Variants in CYB5A observed in about 807,000 individuals in gnomAD.
CYB5A encodes the protein cytochrome b5 type A, also known as cytochrome b5.
CYB5A carries 10 observed loss-of-function variants against 16.2 expected under a neutral mutation model. That is an observed-to-expected ratio of 0.62 (90% CI 0.38 to 1.04). The LOEUF (loss-of-function observed/expected upper bound fraction) is 1.04. Ranked by LOEUF, CYB5A falls within the 50% of genes least tolerant of loss-of-function variation. The pLI, the probability that CYB5A is intolerant of heterozygous loss-of-function variation, is 0.01. For missense variants in CYB5A, 161 were observed against 165.9 expected, an observed-to-expected ratio of 0.97 and a Z score of 0.16; for synonymous variants, 62 against 57.0, an observed-to-expected ratio of 1.09 and a Z score of -0.40.
chr18:74,289,593 T>G (rs1008623816), intron 1 of CYB5A, among the ~76,000 whole-genome samples: 1 of 151,962 alleles, frequency 6.6e-6, no homozygotes, highest in African/African-American at 2.4e-5. Context: ...TTGGCCAACA[T>G]GTTGAAACCC....
At chr18:74,290,794 A>C (rs953225714) in intron 1 of CYB5A, 1 of 152,264 alleles carries the variant, frequency 6.6e-6, no homozygotes, top group Admixed American at 6.5e-5. Context: ...AATCACCAAA[A>C]GCGCCCCTTA....
chr18:74,281,221 G>T (rs941221211), intron 1 of CYB5A, among the ~76,000 whole-genome samples: 2 of 152,212 alleles, frequency 1.3e-5, no homozygotes, highest in Admixed American at 1.3e-4. Context: ...GGGACATGCA[G>T]AGGGAGCAGG....
rs767706199 is a variant in CYB5A at position 74,253,569 on chromosome 18, C to T, written c.*15G>A. The T allele has an allele frequency of 7.5e-6, 12 of 1,593,806 alleles. No homozygotes were observed. The highest frequency in any genetic ancestry group is 1.1e-5 in the South Asian group (1 of 90,530). On this transcript the variant is annotated 3_prime_UTR_variant, in exon 5 of 5. Transcript: ENST00000340533. ...CCAAAGCAGGCTCTTCCTGCGCTGACTTCTGAGGAGGTGTTCAGTCCTCTG... is the reference window on the plus strand; with the variant it reads ...CCAAAGCAGGCTCTTCCTGCGCTGATTTCTGAGGAGGTGTTCAGTCCTCTG...
At position 74,259,658 on chromosome 18, in the gene CYB5A, G is replaced by A. The variant is rs949992153; in HGVS notation, c.288+1257C>T. On this transcript the variant is annotated intron_variant, in intron 3 of 4. Coordinates refer to ENST00000340533, the MANE Select transcript of CYB5A (RefSeq NM_148923.4). ...AATCTTAAACCTTTGTTTTGCTATA[G>A]CTAAATGACTTATACCAAAATGATT... 7.9e-5 allele frequency: 12 copies of A among 152,054 alleles called. 1 individual carries two copies. The highest frequency in any genetic ancestry group is 7.2e-4 in the Admixed American group (11 of 15,262). The allele number at this position is 152,054 out of a possible 1,614,324, so 9.4% of individuals were successfully genotyped here.
chr18:74,269,423 T>TAAACACAGGAGCAC (rs1555689240), intron 1 of CYB5A, among the ~76,000 whole-genome samples: 3 of 152,116 alleles, frequency 2.0e-5, no homozygotes, highest in Admixed American at 6.5e-5. Flanking sequence ...GCGTTGGCTC[T>TAAACACAGGAGCAC]CCTGATGATC....
intron 3 of CYB5A, chr18:74,258,306 A>G (rs1982067679): frequency 6.6e-6 from 1 of 152,220 alleles, no homozygotes; most frequent in Non-Finnish European, 1.5e-5. Flanking sequence ...TAACTTCTAC[A>G]AGAATGCTTT....
At chr18:74,268,280 C>T (rs957177190) in intron 1 of CYB5A, among the ~76,000 whole-genome samples, 10 of 152,132 alleles carry the variant, frequency 6.6e-5, no homozygotes, top group African/African-American at 1.7e-4. Context: ...GGGGTCAGGA[C>T]GGGCCCTGCT....
At chr18:74,255,814 A>C (rs751511525) in intron 3 of CYB5A, 39 bp from the exon 4 acceptor site, 1 of 1,468,266 alleles carries the variant, frequency 6.8e-7, no homozygotes, top group Non-Finnish European at 9.5e-7. Context: ...AGTTCAAGGG[A>C]ATGCTGAACT....
chr18:74,277,227 T>C (rs1982916193), intron 1 of CYB5A, among the ~76,000 whole-genome samples: 1 of 152,252 alleles, frequency 6.6e-6, no homozygotes, highest in South Asian at 2.1e-4. Flanking sequence ...GGATGCTGTT[T>C]TTCTAAGACG....
At chr18:74,277,708 G>A (rs1174089959) in intron 1 of CYB5A, among the ~76,000 whole-genome samples, 1 of 152,194 alleles carries the variant, frequency 6.6e-6, no homozygotes, top group Admixed American at 6.5e-5. Flanking sequence ...AGGAGGCAAC[G>A]CTTAGACTCT....
intron 2 of CYB5A, 83 bp downstream of exon 2, chr18:74,263,260 AATGTGT>A (rs1328550850): frequency 1.9e-6 from 3 of 1,562,930 alleles, no homozygotes; most frequent in Non-Finnish European, 2.6e-6. Context: ...CTCCTTTTAA[AATGTGT>A]ATACATGCAA....
In CYB5A at chr18:74,256,961, T is replaced by TAC. The variant is rs1982010485; in HGVS notation, c.289-1188_289-1187dup. 5 of 929,512 alleles carry TAC rather than the reference T, an allele frequency of 5.4e-6. No homozygotes were observed. In the South Asian group the frequency reaches 7.2e-5, roughly 13 times the overall value. 57.6% of individuals were successfully genotyped at this position (929,512 alleles called of 1,614,324 possible). A position where few individuals can be genotyped will look rare whatever the true frequency, so the allele number is the denominator to read the frequency against. ...AGCATCTATAAAAAGTATTCATAAC[T>TAC]ACAGCAAGAGGATTTTCCAAATTGT... On this transcript the variant is annotated intron_variant, in intron 3 of 4. Transcript: ENST00000340533.
chr18:74,255,541 C>G (rs529444341), intron 4 of CYB5A, among the ~76,000 whole-genome samples, 200 bp downstream of exon 4: 1 of 152,274 alleles, frequency 6.6e-6, no homozygotes, highest in South Asian at 2.1e-4. Flanking sequence ...AGCTAGATCA[C>G]GTGGCTGTGG....
At chr18:74,284,252 A>AAG (rs60738296) in intron 1 of CYB5A, among the ~76,000 whole-genome samples, 11,586 of 146,802 alleles carry the variant, frequency 0.079, 625 homozygotes, top group Non-Finnish European at 0.11. Context: ...AAAAAAAAAA[A>AAG]AGAGAGATTA....
chr18:74,263,743 T>C (rs1982312405), intron 1 of CYB5A, among the ~76,000 whole-genome samples: 2 of 152,080 alleles, frequency 1.3e-5, no homozygotes, highest in Admixed American at 1.3e-4. Flanking sequence ...CCCATAACTA[T>C]AAAATACAAT....
At chr18:74,278,525 C>A (rs753407322) in intron 1 of CYB5A, among the ~76,000 whole-genome samples, 4 of 152,100 alleles carry the variant, frequency 2.6e-5, no homozygotes, top group Non-Finnish European at 4.4e-5. Flanking sequence ...CCCAAGGGAC[C>A]CCCTTCTCAC....
At chr18:74,256,593 A>AG (rs1981991801) in intron 3 of CYB5A, 4 of 543,362 alleles carry the variant, frequency 7.4e-6, no homozygotes, top group Non-Finnish European at 3.2e-6. Flanking sequence ...TGGGTTAAGA[A>AG]GCATTCTTTT....
chr18:74,279,458 A>G (rs1210162567), intron 1 of CYB5A, among the ~76,000 whole-genome samples: 1 of 152,226 alleles, frequency 6.6e-6, no homozygotes, highest in Non-Finnish European at 1.5e-5. Context: ...TGAACCCGGG[A>G]GGCAGAAGTT....
At chr18:74,273,144 T>C (rs757536644) in intron 1 of CYB5A, among the ~76,000 whole-genome samples, 1 of 152,120 alleles carries the variant, frequency 6.6e-6, no homozygotes, top group Non-Finnish European at 1.5e-5. Context: ...AAATGAAGTG[T>C]TAGCTGAATG....
Sources: allele counts gnomAD v4.1 joint callset (sites outside exome capture counted in the v4.1 genomes callset), GRCh38; gene constraint gnomAD v4.1.1; transcripts MANE v1.5; gene names NCBI Gene and HGNC (gene_info 2026-07-23, HGNC 2026-07-21).